CALN1: variants seen among roughly 807,000 people sequenced by gnomAD.
CALN1 encodes calneuron 1.
A neutral mutation model predicts 30.6 loss-of-function variants in CALN1; 17 were observed. The ratio of observed to expected loss-of-function variants is 0.56; its 90% CI spans 0.38 to 0.83. CALN1 has a LOEUF of 0.83. Ranked by LOEUF, CALN1 falls within the 40% of genes least tolerant of loss-of-function variation. The probability of loss-of-function intolerance (pLI) is 0.00; values close to 1 mark genes in which losing one functional copy is unlikely to be tolerated. For missense variants in CALN1, 291 were observed against 354.9 expected (o/e 0.82, Z 1.45); for synonymous variants, 156 against 131.4 (o/e 1.19, Z -1.28).
At chr7:72,177,161 C>T (rs1305536368) in intron 3 of CALN1, among the ~76,000 whole-genome samples, 1 of 152,160 alleles carries the variant, frequency 6.6e-6, no homozygotes, top group Non-Finnish European at 1.5e-5. Context: ...TTCATCTGTG[C>T]ATTCATTCAA....
chr7:72,385,097 A>G (rs1805134438), intron 2 of CALN1, among the ~76,000 whole-genome samples: 1 of 152,264 alleles, frequency 6.6e-6, no homozygotes. Context: ...AATTAAAACA[A>G]GATACCACTA....
chr7:72,390,774 T>C (rs899738310), intron 2 of CALN1, among the ~76,000 whole-genome samples: 1 of 152,238 alleles, frequency 6.6e-6, no homozygotes, highest in Non-Finnish European at 1.5e-5. Context: ...GCCCTTATTA[T>C]TTAATACATC....
At chr7:72,325,441 A>C (rs1801202481) in intron 2 of CALN1, among the ~76,000 whole-genome samples, 1 of 152,146 alleles carries the variant, frequency 6.6e-6, no homozygotes, top group Non-Finnish European at 1.5e-5. Flanking sequence ...TCTCTACTAA[A>C]AATGCAAAAC....
At chr7:71,904,191 A>T (rs1483584060) in intron 5 of CALN1, among the ~76,000 whole-genome samples, 1 of 152,220 alleles carries the variant, frequency 6.6e-6, no homozygotes, top group Non-Finnish European at 1.5e-5. Context: ...CAGCAATCCC[A>T]CTACTGGGTA....
At chr7:72,027,726 A>AACACACAC (rs111705413) in intron 4 of CALN1, among the ~76,000 whole-genome samples, 44 of 143,318 alleles carry the variant, frequency 3.1e-4, no homozygotes, top group African/African-American at 9.4e-4. Context: ...CAAACAAACA[A>AACACACAC]ACACACACAC....
At chr7:71,938,408 T>C (rs942749605) in intron 5 of CALN1, among the ~76,000 whole-genome samples, 5 of 152,094 alleles carry the variant, frequency 3.3e-5, no homozygotes, top group African/African-American at 1.2e-4. Flanking sequence ...GGTCAGTTAA[T>C]GGGGCTTCCA....
intron 5 of CALN1, among the ~76,000 whole-genome samples, chr7:72,022,102 C>T (rs1800739635): frequency 6.6e-6 from 1 of 152,130 alleles, no homozygotes; most frequent in South Asian, 2.1e-4. Flanking sequence ...ACTGAAATGC[C>T]CTCTTTTCTT....
intron 2 of CALN1, among the ~76,000 whole-genome samples, chr7:72,360,790 A>G (rs1803527323): frequency 6.6e-6 from 1 of 151,608 alleles, no homozygotes; most frequent in Non-Finnish European, 1.5e-5. Flanking sequence ...GTGCAATGGC[A>G]TCATCTCAGC....
chr7:72,337,012 G>T, intron 2 of CALN1: 1 of 985,558 alleles, frequency 1.0e-6, no homozygotes, highest in Non-Finnish European at 1.2e-6. Flanking sequence ...TCTCGTCTGG[G>T]GACGTGTGCC....
intron 2 of CALN1, among the ~76,000 whole-genome samples, chr7:72,314,376 C>CATATATATACAT (rs796351058): frequency 2.4e-5 from 1 of 41,940 alleles, no homozygotes; most frequent in East Asian, 7.3e-4. Flanking sequence ...CATATATACA[C>CATATATATACAT]ATATATACAC....
chr7:72,317,076 C>CAAAGAGAGAGAG (rs1800520023), intron 2 of CALN1, among the ~76,000 whole-genome samples: 1 of 91,822 alleles, frequency 1.1e-5, no homozygotes, highest in Non-Finnish European at 2.1e-5. Flanking sequence ...AAGAGAGACA[C>CAAAGAGAGAGAG]AGAAAGAGAG....
At chr7:72,166,870 C>T (rs554318942) in intron 3 of CALN1, among the ~76,000 whole-genome samples, 1 of 152,028 alleles carries the variant, frequency 6.6e-6, no homozygotes, top group Non-Finnish European at 1.5e-5. Context: ...TGGTGAAACC[C>T]CATCTCTACT....
At position 72,024,482 on chromosome 7, in the gene CALN1, T is replaced by A. The variant is rs111829772; in HGVS notation, c.389-713A>T. Among the ~76,000 whole-genome samples the A allele has an allele frequency of 2.7e-3, 404 of 152,266 alleles. 2 individuals are homozygous for A. The highest frequency in any genetic ancestry group is 9.2e-3 in the African/African-American group (382 of 41,564). ...GGCGTGATCTCGGCTCACTGCAACC[T>A]CTGCCTCCTGGGTTCAAGTGATTCT... is the stretch of plus-strand genomic sequence containing the variant. On this transcript the variant is annotated intron_variant, in intron 4 of 6. Coordinates refer to ENST00000395275, the MANE Select transcript of CALN1 (RefSeq NM_031468.4).
intron 4 of CALN1, among the ~76,000 whole-genome samples, chr7:72,063,460 A>G (rs1372378147): frequency 6.6e-6 from 1 of 152,176 alleles, no homozygotes; most frequent in African/African-American, 2.4e-5. Flanking sequence ...TATAGCAGCC[A>G]TCCTGTATCC....
chr7:72,098,365 A>G (rs1270314005), intron 4 of CALN1, among the ~76,000 whole-genome samples: 2 of 152,030 alleles, frequency 1.3e-5, no homozygotes, highest in African/African-American at 4.8e-5. Flanking sequence ...CAAGGAGGAG[A>G]CCCCAGGCAC....
At chr7:72,068,904 T>A (rs1804206023) in intron 4 of CALN1, among the ~76,000 whole-genome samples, 1 of 152,188 alleles carries the variant, frequency 6.6e-6, no homozygotes, top group Admixed American at 6.5e-5. Flanking sequence ...AGATGTAAAA[T>A]AATGCCATTT....
chr7:71,938,010 G>A (rs1327950446), intron 5 of CALN1, among the ~76,000 whole-genome samples: 1 of 152,224 alleles, frequency 6.6e-6, no homozygotes, highest in African/African-American at 2.4e-5. Context: ...GAGGGTTAGG[G>A]AAAGACTGAC....
At chr7:72,369,947 T>C (rs1914378) in intron 2 of CALN1, among the ~76,000 whole-genome samples, 31,138 of 152,136 alleles carry the variant, frequency 0.2, 4,045 homozygotes, top group East Asian at 0.37. Flanking sequence ...TGAGTCTTTC[T>C]ATGAATATAT....
intron 3 of CALN1, among the ~76,000 whole-genome samples, chr7:72,170,352 G>A (rs1381775761): frequency 6.6e-6 from 1 of 152,038 alleles, no homozygotes; most frequent in African/African-American, 2.4e-5. Context: ...TAACTCTGAT[G>A]CTACTTTAGA....
Sources: allele counts gnomAD v4.1 joint callset (sites outside exome capture counted in the v4.1 genomes callset), GRCh38; gene constraint gnomAD v4.1.1; transcripts MANE v1.5; gene names NCBI Gene and HGNC (gene_info 2026-07-23, HGNC 2026-07-21).